Variants in ZNF677 observed in about 807,000 individuals in gnomAD.
ZNF677 encodes the protein zinc finger protein 677.
In ZNF677, 5 loss-of-function variants were observed where a neutral mutation model predicts 8.1. The ratio of observed to expected loss-of-function variants is 0.62; its 90% confidence interval spans 0.32 to 1.29. The LOEUF is 1.29. Ranked by LOEUF, ZNF677 falls within the 50% of genes most tolerant of loss-of-function variation. ZNF677 has a pLI of 0.05. For missense variants in ZNF677, 685 were observed against 685.9 expected, an observed-to-expected ratio of 1.00 and a Z score of 0.01; for synonymous variants, 221 against 225.6, an observed-to-expected ratio of 0.98 and a Z score of 0.18.
chr19:53,240,923 T>C (rs964202135), intron 4 of ZNF677: 1 of 151,856 alleles, frequency 6.6e-6, no homozygotes, highest in Non-Finnish European at 1.5e-5. Context: ...GGGAAGACGC[T>C]GTGCACGTGT....
intron 4 of ZNF677, chr19:53,242,479 T>A (rs2146942534): frequency 2.5e-6 from 1 of 398,406 alleles, no homozygotes; most frequent in East Asian, 3.6e-5. Flanking sequence ...GGAATGGCAA[T>A]CAAAAAGAGG....
intron 4 of ZNF677, chr19:53,238,875 G>A (rs1003057952): frequency 3.2e-5 from 6 of 189,362 alleles, no homozygotes; most frequent in African/African-American, 1.4e-4. Flanking sequence ...ACGTAAATTG[G>A]CATAGCTATA....
In ZNF677 at chr19:53,237,093, T is replaced by C. The variant is rs1428665690; in HGVS notation, c.1634A>G (p.His545Arg). The change falls in exon 5 of 5, where the codon CAT becomes CGT. Residue 545 changes from histidine (H) to arginine (R), a missense_variant. His to Arg is a conservative substitution (Grantham distance 29). Coordinates refer to ENST00000598513, the MANE Select transcript of ZNF677 (RefSeq NM_182609.4). ...KIHIEKKHCK[H>R]NIHGNALFQS... is the part of the protein sequence containing the mutation. Reference sequence around the variant, plus strand: ...GAATAAAGCATTACCATGTATATTATGTTTACAATGTTTCTTTTCAATGTG... The same window carrying C: ...GAATAAAGCATTACCATGTATATTACGTTTACAATGTTTCTTTTCAATGTG... 2 of 1,613,852 alleles carry C rather than the reference T, an allele frequency of 1.2e-6. No homozygotes were observed. The highest frequency in any genetic ancestry group is 4.5e-5 in the East Asian group (2 of 44,856).
At chr19:53,254,093 T>C (rs1220309168) in intron 1 of ZNF677, among the ~76,000 whole-genome samples, 1 of 152,222 alleles carries the variant, frequency 6.6e-6, no homozygotes, top group African/African-American at 2.4e-5. Context: ...CATGCTCTTC[T>C]GCACAAACAA....
At position 53,238,560 on chromosome 19, in the gene ZNF677, G is replaced by A; in HGVS notation, c.170-3C>T. The A allele has an allele frequency of 6.5e-7, 1 of 1,531,422 alleles. No homozygotes were observed. The highest frequency in any genetic ancestry group is 2.3e-5 in the East Asian group (1 of 43,698). 94.9% of individuals were successfully genotyped at this position (1,531,422 alleles called of 1,614,324 possible). ...GCTTGTAAATCCAACAGAAATATCT[G>A]AAAGATATTAAAAAAACCACAGGCT... On this transcript the variant is annotated splice_polypyrimidine_tract_variant and splice_region_variant and intron_variant, in intron 4 of 4. Transcript: ENST00000598513.
chr19:53,251,764 A>G, intron 2 of ZNF677, 159 bp from the exon 3 acceptor site: 1 of 557,934 alleles, frequency 1.8e-6, no homozygotes, highest in Non-Finnish European at 3.1e-6. Flanking sequence ...TAACTCCTAA[A>G]CAGAGACTAA....
In ZNF677 at chr19:53,238,156, T is replaced by G. The variant is rs774138910; in HGVS notation, c.571A>C (p.Ile191Leu). The part of the protein sequence containing the change: ...NKYVKCFENK[I>L]GLSLQAQLAE... ...AGCTGTGCCTGTAAGCTTAATCCAA[T>G]TTTATTTTCAAAACACTTCACGTAT... Residue 191 changes from isoleucine to leucine, a missense_variant, in exon 5 of 5, where the codon ATT (isoleucine) becomes CTT (leucine). Coordinates refer to ENST00000598513, the MANE Select transcript of ZNF677 (RefSeq NM_182609.4). 4.3e-6 allele frequency: 7 copies of G among 1,613,068 alleles called. No individual in the cohort carries two copies. In the South Asian group the frequency reaches 5.5e-5, roughly 13 times the overall value.
chr19:53,253,773 G>GA (rs1232530265), intron 1 of ZNF677, among the ~76,000 whole-genome samples: 1 of 151,904 alleles, frequency 6.6e-6, no homozygotes, highest in Non-Finnish European at 1.5e-5. Context: ...AAAATACTTT[G>GA]AAAATTTTTT....
chr19:53,243,753 G>A lies in ZNF677; in HGVS notation c.160C>T (p.Pro54Ser), dbSNP rs1162106662. Residue 54 changes from proline (P) to serine (S), a missense_variant, in exon 4 of 5, where the codon CCA becomes TCA. Coordinates refer to ENST00000598513, the MANE Select transcript of ZNF677 (RefSeq NM_182609.4). ...LLSLDEDNIP[P>S]EDDISVGFTS... ...GTACAAGGGTGGTTACCATCTTCTG[G>A]AGGGATGTTATCCTCATCGAGAGAA... 1.2e-6 allele frequency: 2 copies of A among 1,614,040 alleles called. No individual in the cohort carries two copies. The highest frequency in any genetic ancestry group is 1.3e-5 in the African/African-American group (1 of 74,916).
Position 53,243,783 on chromosome 19 carries a change from GGTTCCTGTAGTTCTCCAACATCAC to G in ZNF677, c.106_129del (p.Val36_Asn43del). ...ATGTTATCCTCATCGAGAGAAAGCA[GGTTCCTGTAGTTCTCCAACATCAC>G]GTCCCTGTACAAGGCCCTCTGGGCA... On this transcript the variant is annotated inframe_deletion, in exon 4 of 5. Transcript: ENST00000598513. The G allele has an allele frequency of 1.2e-6, 2 of 1,614,188 alleles. No individual in the cohort carries two copies. The highest frequency in any genetic ancestry group is 1.7e-6 in the Non-Finnish European group (2 of 1,180,044).
chr19:53,244,032 T>C, intron 3 of ZNF677, 135 bp from the exon 4 acceptor site: 1 of 805,800 alleles, frequency 1.2e-6, no homozygotes, highest in South Asian at 2.0e-5. Context: ...CTAATTTTAT[T>C]TTTTTTAAAC....
rs2090972382 is a variant in ZNF677, at chr19:53,236,309, C to T, written c.*663G>A. The T allele has an allele frequency of 6.6e-6, 1 of 152,154 alleles. No individual in the cohort carries two copies. Among genetic ancestry groups the T allele is most frequent in the South Asian group, 2.1e-4 (1 of 4,824 alleles). The allele number at this position is 152,154 out of a possible 1,614,324, so 9.4% of individuals were successfully genotyped here. On this transcript the variant is annotated 3_prime_UTR_variant, in exon 5 of 5. Coordinates refer to ENST00000598513, the MANE Select transcript of ZNF677 (RefSeq NM_182609.4). ...TCCATCTTACATCCATTCCTTGAGACAATCATGATAAATGAAAAGCATGCC... is the reference window on the plus strand; with the variant it reads ...TCCATCTTACATCCATTCCTTGAGATAATCATGATAAATGAAAAGCATGCC...
Position 53,238,189 on chromosome 19 carries a change from C to T in ZNF677, c.538G>A (p.Gly180Arg), listed in dbSNP as rs140732889. 3.2e-5 allele frequency: 52 copies of T among 1,613,478 alleles called. No individual in the cohort carries two copies. In the East Asian group the frequency reaches 4.0e-4, roughly 12 times the overall value. ...TCAAAACACTTCACGTATTTGTTTCCGGCATACCTTATGTTATTTTTCAGT... is the reference window on the plus strand; with the variant it reads ...TCAAAACACTTCACGTATTTGTTTCTGGCATACCTTATGTTATTTTTCAGT... The part of the protein sequence containing the change: ...LKLKNNIRYA[G>R]NKYVKCFENK... The change falls in exon 5 of 5, where the codon GGA (glycine) becomes AGA (arginine). Residue 180 changes from glycine (G) to arginine (R), a missense_variant. Physicochemically the swap from Gly to Arg is moderately radical, Grantham distance 125 (BLOSUM62 -2). Coordinates refer to ENST00000598513, the MANE Select transcript of ZNF677 (RefSeq NM_182609.4).
At chr19:53,248,116 A>G (rs2091176248) in intron 3 of ZNF677, among the ~76,000 whole-genome samples, 1 of 151,938 alleles carries the variant, frequency 6.6e-6, no homozygotes, top group African/African-American at 2.4e-5. Context: ...CCTTCTTTAC[A>G]TTTTTGTTAT....
In ZNF677 at chr19:53,238,288, G is replaced by A; in HGVS notation, c.439C>T (p.Gln147Ter). The change falls in exon 5 of 5, where the codon CAG becomes TAG. Residue 147 changes from glutamine (Q) to a stop codon, truncating the protein, a stop_gained. Coordinates refer to ENST00000598513, the MANE Select transcript of ZNF677 (RefSeq NM_182609.4). LOFTEE classifies it low-confidence loss of function (END_TRUNC). ...GCACTATCTCTTATAGAAACACTCT[G>A]CTTTAAAGAGAAATGTATTGAGGAT... is the stretch of plus-strand genomic sequence containing the variant. ...NKSSIHFSLKQSVSIRDSAHQ... is the reference protein window; with the variant it reads ...NKSSIHFSLK The A allele has an allele frequency of 3.1e-6, 5 of 1,613,846 alleles. No individual in the cohort carries two copies. The highest frequency in any genetic ancestry group is 4.2e-6 in the Non-Finnish European group (5 of 1,179,884).
At chr19:53,251,502 G>C in intron 3 of ZNF677, 34 bp downstream of exon 3, 1 of 1,590,250 alleles carries the variant, frequency 6.3e-7, no homozygotes, top group South Asian at 1.1e-5. Context: ...AGGAAGGAGA[G>C]GACAAAACAG....
intron 4 of ZNF677, chr19:53,241,898 A>AAG (rs1246866369): frequency 2.5e-6 from 1 of 398,464 alleles, no homozygotes; most frequent in East Asian, 3.6e-5. Context: ...GAAAGAGAGG[A>AAG]AATTTCAGAC....
chr19:53,249,314 A>C (rs1211058630), intron 3 of ZNF677: 4 of 152,198 alleles, frequency 2.6e-5, no homozygotes, highest in African/African-American at 9.7e-5. Context: ...TCATGCTTCA[A>C]ATTGCCCAAC....
intron 2 of ZNF677, among the ~76,000 whole-genome samples, chr19:53,252,842 C>T (rs2091256031): frequency 6.6e-6 from 1 of 152,114 alleles, no homozygotes; most frequent in African/African-American, 2.4e-5. Context: ...TTGAGCAACA[C>T]CAGTAGTGAT....
Sources: gnomAD v4.1 joint callset for allele counts (sites outside exome capture counted in the v4.1 genomes callset) on GRCh38, gnomAD v4.1.1 for gene constraint, MANE v1.5 for transcripts, NCBI Gene and HGNC (gene_info 2026-07-23, HGNC 2026-07-21) for gene names.